The following FBXL17 variants were observed in gnomAD, a reference collection of about 807,000 sequenced individuals.
The protein encoded by FBXL17 is F-box/LRR-repeat protein 17.
FBXL17 carries 22 observed loss-of-function variants against 66.2 expected under a neutral mutation model. That is an observed-to-expected ratio of 0.33 (90% CI 0.24 to 0.47). FBXL17 has a LOEUF of 0.47. Ranked by LOEUF, FBXL17 falls within the 20% of genes least tolerant of loss-of-function variation. The pLI is 1.00. For synonymous variants in FBXL17, 474 were observed against 400.5 expected (o/e 1.18, Z -2.19); for missense variants, 878 against 948.2 (o/e 0.93, Z 0.97).
chr5:108,152,928 G>A (rs552090563), intron 6 of FBXL17, among the ~76,000 whole-genome samples: 33 of 152,302 alleles, frequency 2.2e-4, no homozygotes, highest in African/African-American at 6.7e-4. Flanking sequence ...CCCATGTGTC[G>A]TGGGAGGAAC....
intron 5 of FBXL17, among the ~76,000 whole-genome samples, chr5:108,205,281 C>T (rs1015324302): frequency 1.1e-4 from 17 of 151,974 alleles, no homozygotes; most frequent in African/African-American, 4.1e-4. Flanking sequence ...TTTTTAGTCC[C>T]TTTGTAATAT....
chr5:108,019,369 G>C (rs1354207974), intron 7 of FBXL17, among the ~76,000 whole-genome samples: 1 of 151,990 alleles, frequency 6.6e-6, no homozygotes, highest in African/African-American at 2.4e-5. Flanking sequence ...GTAGGTGCTG[G>C]GCACTGCCTT....
rs57041975 is a variant in FBXL17 at position 107,959,381 on chromosome 5, AACACACACACACAC to A, written c.1822+61530_1822+61543del. On this transcript the variant is annotated intron_variant, in intron 7 of 8. Transcript: ENST00000542267. ...TTATTTAACATACAGGGCTGCTATAAACACACACACACACACACACACACACACACACACACAGG... is the reference window on the plus strand; with the variant it reads ...TTATTTAACATACAGGGCTGCTATAAACACACACACACACACACACACAGG... Among the ~76,000 whole-genome samples, 41 of 147,996 alleles carry A rather than the reference AACACACACACACAC, an allele frequency of 2.8e-4. No individual in the cohort carries two copies. In the South Asian group the frequency reaches 3.0e-3, roughly 11 times the overall value.
chr5:108,261,095 G>A (rs932713373), intron 4 of FBXL17, among the ~76,000 whole-genome samples: 3 of 151,902 alleles, frequency 2.0e-5, no homozygotes, highest in Non-Finnish European at 4.4e-5. Context: ...ATAAACAGTA[G>A]GATAAATACA....
chr5:108,285,848 C>G (rs949804503), intron 4 of FBXL17, among the ~76,000 whole-genome samples: 1 of 150,850 alleles, frequency 6.6e-6, no homozygotes, highest in Non-Finnish European at 1.5e-5. Context: ...AAAAAACAAA[C>G]TTCAGGCCAA....
chr5:108,033,463 T>C (rs1746718991), intron 6 of FBXL17, among the ~76,000 whole-genome samples: 1 of 152,112 alleles, frequency 6.6e-6, no homozygotes, highest in Non-Finnish European at 1.5e-5. Flanking sequence ...AGATCTAGAG[T>C]ATTCCTAACA....
At chr5:108,362,713 T>C (rs1220963071) in intron 3 of FBXL17, among the ~76,000 whole-genome samples, 1 of 152,114 alleles carries the variant, frequency 6.6e-6, no homozygotes, top group Non-Finnish European at 1.5e-5. Flanking sequence ...AGAGTCTACA[T>C]CTATTAGAGC....
At chr5:108,141,037 A>T (rs1175971929) in intron 6 of FBXL17, among the ~76,000 whole-genome samples, 1 of 152,050 alleles carries the variant, frequency 6.6e-6, no homozygotes, top group Admixed American at 6.6e-5. Flanking sequence ...TGGAAATGTG[A>T]TGATATCATT....
chr5:108,171,349 G>A (rs1425295093), intron 6 of FBXL17, among the ~76,000 whole-genome samples: 1 of 151,982 alleles, frequency 6.6e-6, no homozygotes, highest in East Asian at 1.9e-4. Flanking sequence ...AGGATATTGT[G>A]GGGGCTTTGA....
At position 108,040,911 on chromosome 5, in the gene FBXL17, T is replaced by C. The variant is rs566124147; in HGVS notation, c.1746-19910A>G. 2.0e-5 allele frequency among the ~76,000 whole-genome samples: 3 copies of C among 152,282 alleles called. No homozygotes were observed. In the South Asian group the frequency reaches 6.2e-4, roughly 32 times the overall value. On this transcript the variant is annotated intron_variant, in intron 6 of 8. Coordinates refer to ENST00000542267, the MANE Select transcript of FBXL17 (RefSeq NM_001163315.3). The stretch of plus-strand genomic sequence containing the variant: ...GGCAATAAAACAGCTATAAAAATCA[T>C]AATAATGTATCATAAATGGGAAGCA...
chr5:108,367,974 CATATAATAT>C (rs1748779885), intron 1 of FBXL17, 21 bp from the exon 2 acceptor site: 1 of 1,545,942 alleles, frequency 6.5e-7, no homozygotes, highest in Non-Finnish European at 8.7e-7. Flanking sequence ...AAAACGGTAC[CATATAATAT>C]GTGCTAAACA....
chr5:108,224,095 C>A, intron 5 of FBXL17, 26 bp downstream of exon 5: 2 of 1,263,136 alleles, frequency 1.6e-6, no homozygotes, highest in Non-Finnish European at 2.3e-6. Flanking sequence ...TCAAAAATAC[C>A]AAGGAAAAGC....
At chr5:108,210,276 G>C (rs1754310046) in intron 5 of FBXL17, among the ~76,000 whole-genome samples, 1 of 151,986 alleles carries the variant, frequency 6.6e-6, no homozygotes, top group African/African-American at 2.4e-5. Context: ...TGGATTCATT[G>C]ATTTTTTGAA....
At chr5:108,201,853 TAA>T (rs55995911) in intron 5 of FBXL17, among the ~76,000 whole-genome samples, 57 of 129,408 alleles carry the variant, frequency 4.4e-4, no homozygotes, top group African/African-American at 1.1e-3. Context: ...AATTTGAAAG[TAA>T]AAAAAAAAAA....
chr5:108,184,542 C>T (rs528564694), intron 6 of FBXL17, among the ~76,000 whole-genome samples: 25 of 151,754 alleles, frequency 1.6e-4, no homozygotes, highest in Non-Finnish European at 3.5e-4. Context: ...CTCCTGACCT[C>T]GTGATCCGCC....
At chr5:108,234,744 CA>C (rs1171284974) in intron 4 of FBXL17, among the ~76,000 whole-genome samples, 1 of 152,092 alleles carries the variant, frequency 6.6e-6, no homozygotes, top group Admixed American at 6.6e-5. Flanking sequence ...AACATGGAAG[CA>C]TAGTAGAGAG....
rs945503022 is a variant in FBXL17, at chr5:108,185,383, G to A, written c.1745+734C>T. Among the ~76,000 whole-genome samples the A allele has an allele frequency of 7.9e-5, 12 of 152,230 alleles. 1 individual carries two copies. Among genetic ancestry groups the A allele is most frequent in the African/African-American group, 2.9e-4 (12 of 41,552 alleles). ...AGAACTGGATGTCTAAAAATGTGTA[G>A]TACCTCCCACTTCACTCTTTTCCTT... On this transcript the variant is annotated intron_variant, in intron 6 of 8. Coordinates refer to ENST00000542267, the MANE Select transcript of FBXL17 (RefSeq NM_001163315.3).
At chr5:108,234,940 T>C (rs1189607175) in intron 4 of FBXL17, among the ~76,000 whole-genome samples, 1 of 152,190 alleles carries the variant, frequency 6.6e-6, no homozygotes, top group Non-Finnish European at 1.5e-5. Flanking sequence ...AATAAAGAGA[T>C]GCAATGTAGT....
chr5:107,960,073 A>G (rs1237158067), intron 7 of FBXL17, among the ~76,000 whole-genome samples: 1 of 152,168 alleles, frequency 6.6e-6, no homozygotes, highest in Non-Finnish European at 1.5e-5. Context: ...AGAAATCCGG[A>G]GAACTCTGTG....
Sources: allele counts gnomAD v4.1 joint callset (sites outside exome capture counted in the v4.1 genomes callset), GRCh38; gene constraint gnomAD v4.1.1; transcripts MANE v1.5; gene names NCBI Gene and HGNC (gene_info 2026-07-23, HGNC 2026-07-21).